Variants in RBM45 observed in about 807,000 individuals in gnomAD.
RBM45 encodes the protein RNA binding motif protein 45, also known as RNA-binding protein 45.
RBM45 carries 39 observed loss-of-function variants against 58.5 expected under a neutral mutation model. The ratio of observed to expected loss-of-function variants is 0.67; its 90% confidence interval spans 0.52 to 0.87. RBM45 has a LOEUF of 0.87. Among genes scored for constraint, RBM45 ranks in the 40% least tolerant of loss-of-function variants. The pLI, the probability that RBM45 is intolerant of heterozygous loss-of-function variation, is 0.00. For missense variants in RBM45, 481 were observed against 581.6 expected (o/e 0.83, Z 1.78); for synonymous variants, 193 against 203.0 (o/e 0.95, Z 0.42).
chr2:178,132,567 A>G (rs546315998), downstream of RBM45, among the ~76,000 whole-genome samples: 1 of 151,678 alleles, frequency 6.6e-6, no homozygotes, highest in Admixed American at 6.6e-5. Flanking sequence ...AAATGCCTAA[A>G]ACTGCGGTTC....
At chr2:178,118,876 A>G (rs986869167) in intron 3 of RBM45, among the ~76,000 whole-genome samples, 7 of 152,206 alleles carry the variant, frequency 4.6e-5, no homozygotes, top group Admixed American at 3.9e-4. Context: ...AGATACCCCT[A>G]AGGTACATAC....
chr2:178,134,285 C>G (rs2088027897), downstream of RBM45, among the ~76,000 whole-genome samples: 1 of 152,090 alleles, frequency 6.6e-6, no homozygotes, highest in South Asian at 2.1e-4. Context: ...ATATGAGGTA[C>G]AAAACTCAAG....
At chr2:178,112,883 G>T (rs2087723562) in intron 1 of RBM45, 37 bp downstream of exon 1, 32 of 1,586,462 alleles carry the variant, frequency 2.0e-5, no homozygotes, top group Non-Finnish European at 2.5e-5. Flanking sequence ...TCGGGGGAAG[G>T]AGTGGGCCTC....
At position 178,112,862 on chromosome 2, in the gene RBM45, TCGG is replaced by T. The variant is rs1446304814; in HGVS notation, c.300+17_300+19del. ...GCCCATCAAGGTGCGGGTGCCCGGG[TCGG>T]GGTGCCCTCGGGGGAAGGAGTGGGC... On this transcript the variant is annotated intron_variant, in intron 1 of 9. Coordinates refer to ENST00000286070, the MANE Select transcript of RBM45 (RefSeq NM_152945.4). 6.3e-7 allele frequency: 1 copy of T among 1,598,054 alleles called. No individual in the cohort carries two copies. Among genetic ancestry groups the T allele is most frequent in the Non-Finnish European group, 8.6e-7 (1 of 1,167,640 alleles).
chr2:178,123,426 A>G, intron 5 of RBM45, 96 bp from the exon 6 acceptor site: 1 of 1,254,982 alleles, frequency 8.0e-7, no homozygotes, highest in Non-Finnish European at 1.1e-6. Flanking sequence ...GTGATATTAG[A>G]GTTCTACATG....
chr2:178,131,254 G>C (rs1398647602), downstream of RBM45, among the ~76,000 whole-genome samples: 1 of 152,160 alleles, frequency 6.6e-6, no homozygotes, highest in Non-Finnish European at 1.5e-5. Context: ...CAAGTTATTG[G>C]GCTCTGCCAT....
chr2:178,138,830 T>A (rs1174601466), exon 4 of RBM45: 1 of 152,078 alleles, frequency 6.6e-6, no homozygotes, highest in East Asian at 1.9e-4. Flanking sequence ...GTTAAGTTAA[T>A]GAAGGCCAAG....
intron 2 of RBM45, among the ~76,000 whole-genome samples, chr2:178,116,720 G>T (rs1027199693): frequency 6.2e-4 from 95 of 152,248 alleles, no homozygotes; most frequent in African/African-American, 2.2e-3. Context: ...TTAAACCCAG[G>T]CTGTCGGAGT....
chr2:178,121,433 CA>C, intron 5 of RBM45, 74 bp downstream of exon 5: 2 of 739,406 alleles, frequency 2.7e-6, no homozygotes, highest in South Asian at 4.9e-5. Context: ...CACACACACA[CA>C]CACACACACA....
Position 178,126,075 on chromosome 2 carries a change from A to G in RBM45, c.1324A>G (p.Ile442Val). The change falls in exon 9 of 10, where the codon ATT becomes GTT. Residue 442 changes from isoleucine to valine, a missense_variant. By Grantham distance (29) the Ile-to-Val change is conservative. Coordinates refer to ENST00000286070, the MANE Select transcript of RBM45 (RefSeq NM_152945.4). ...YADRISANDA[I>V]ATLHGKILNG... is the part of the protein sequence containing the mutation. ...CGATAGAATAAGTGCTAATGATGCC[A>G]TTGCCACTCTACATGGAAAGATTCT... is the stretch of plus-strand genomic sequence containing the variant. 4 of 1,613,710 alleles carry G rather than the reference A, an allele frequency of 2.5e-6. No individual in the cohort carries two copies. Among genetic ancestry groups the G allele is most frequent in the African/African-American group, 1.3e-5 (1 of 75,024 alleles).
chr2:178,127,226 A>C (rs1439290956), intron 9 of RBM45, among the ~76,000 whole-genome samples: 3 of 152,122 alleles, frequency 2.0e-5, no homozygotes, highest in Non-Finnish European at 4.4e-5. Flanking sequence ...CCTGGCCTAA[A>C]GTTTGGCGGT....
chr2:178,134,137 C>G (rs1255912057), downstream of RBM45, among the ~76,000 whole-genome samples: 1 of 152,176 alleles, frequency 6.6e-6, no homozygotes, highest in Non-Finnish European at 1.5e-5. Flanking sequence ...AAGACAGTAT[C>G]TGGATGTCAA....
Position 178,112,596 on chromosome 2 carries a change from T to C in RBM45, c.50T>C (p.Val17Ala). 6.2e-7 allele frequency: 1 copy of C among 1,611,930 alleles called. No homozygotes were observed. Among genetic ancestry groups the C allele is most frequent in the East Asian group, 2.2e-5 (1 of 44,874 alleles). ...AGCGGCGGGGGCTTCCGCCCGGGCG[T>C]GGACAGCCTGGACGAACCGCCCAAC... ...SASGGGFRPG[V>A]DSLDEPPNSR... The change falls in exon 1 of 10, where the codon GTG becomes GCG. Residue 17 changes from valine (V) to alanine (A), a missense_variant. Transcript: ENST00000286070.
In RBM45 at chr2:178,129,460, C is replaced by T. The variant is rs988336124; in HGVS notation, c.*72C>T. 1 of 152,360 alleles carries T rather than the reference C, an allele frequency of 6.6e-6. No homozygotes were observed. Among genetic ancestry groups the T allele is most frequent in the African/African-American group, 2.4e-5 (1 of 41,384 alleles). The allele number at this position is 152,360 out of a possible 1,614,324, so 9.4% of individuals were successfully genotyped here. ...ACTGAAAATGTGACTGGACGCATTCCCTGTGGACAGTTGACAGCTTTTTTT... is the reference window on the plus strand; with the variant it reads ...ACTGAAAATGTGACTGGACGCATTCTCTGTGGACAGTTGACAGCTTTTTTT... On this transcript the variant is annotated 3_prime_UTR_variant, in exon 10 of 10. Transcript: ENST00000286070.
intron 2 of RBM45, among the ~76,000 whole-genome samples, chr2:178,117,371 A>C (rs1028464226): frequency 6.6e-6 from 1 of 152,194 alleles, no homozygotes; most frequent in Non-Finnish European, 1.5e-5. Context: ...AATTGATTAC[A>C]TAAGAATTTA....
chr2:178,126,250 G>T, intron 9 of RBM45, 66 bp downstream of exon 9: 3 of 1,028,854 alleles, frequency 2.9e-6, no homozygotes, highest in Non-Finnish European at 4.1e-6. Context: ...ATATGTGTAA[G>T]TACTTTATAA....
downstream of RBM45, among the ~76,000 whole-genome samples, chr2:178,131,840 T>A (rs1249677522): frequency 6.6e-6 from 1 of 152,204 alleles, no homozygotes; most frequent in African/African-American, 2.4e-5. Flanking sequence ...CCTAAAGCTG[T>A]ATTTTAAAAG....
exon 4 of RBM45, chr2:178,138,107 T>C (rs1015669620): frequency 3.9e-5 from 6 of 152,162 alleles, no homozygotes; most frequent in Admixed American, 1.3e-4. Flanking sequence ...TGATGAACAG[T>C]GAATACTGAA....
intron 1 of RBM45, 85 bp from the exon 2 acceptor site, chr2:178,116,177 G>T: frequency 6.3e-6 from 9 of 1,432,772 alleles, no homozygotes; most frequent in Admixed American, 5.1e-5. Context: ...AAAAGTCATT[G>T]CAAGAATAAT....
Sources: allele counts gnomAD v4.1 joint callset (sites outside exome capture counted in the v4.1 genomes callset), GRCh38; gene constraint gnomAD v4.1.1; transcripts MANE v1.5; gene names NCBI Gene and HGNC (gene_info 2026-07-23, HGNC 2026-07-21).